LARP1: variants seen among roughly 807,000 people sequenced by gnomAD.
The protein encoded by LARP1 is La ribonucleoprotein 1, translational regulator, also known as la-related protein 1.
A neutral mutation model predicts 122.7 loss-of-function variants in LARP1; 36 were observed. The ratio of observed to expected loss-of-function variants is 0.29; its 90% confidence interval spans 0.22 to 0.39. The LOEUF is 0.39. LARP1 is among the 10% of genes least tolerant of loss of function. The pLI is 1.00. For missense variants in LARP1, 1,040 were observed against 1,403.6 expected (o/e 0.74, Z 4.14); for synonymous variants, 539 against 528.7 (o/e 1.02, Z -0.27).
intron 3 of LARP1, 45 bp downstream of exon 3, chr5:154,790,755 T>G (rs767472871): frequency 1.3e-6 from 2 of 1,523,550 alleles, no homozygotes; most frequent in South Asian, 2.2e-5. Context: ...TCTCTTGACA[T>G]ACACACATTT....
intron 1 of LARP1, among the ~76,000 whole-genome samples, chr5:154,764,241 C>A (rs1031072330): frequency 2.7e-5 from 4 of 148,696 alleles, no homozygotes; most frequent in African/African-American, 1.0e-4. Flanking sequence ...ACCTGGGAGG[C>A]AGAGGTTGCA....
At chr5:154,735,549 A>T (rs981529895) in intron 1 of LARP1, among the ~76,000 whole-genome samples, 11 of 146,708 alleles carry the variant, frequency 7.5e-5, no homozygotes, top group African/African-American at 2.5e-4. Flanking sequence ...TTTTATTTTT[A>T]TTTATTTATT....
chr5:154,688,738 AT>A, intron 1 of LARP1, among the ~76,000 whole-genome samples: 1 of 150,664 alleles, frequency 6.6e-6, no homozygotes. Context: ...AGGTAGGAGG[AT>A]CTCTTGAGTC....
intron 8 of LARP1, among the ~76,000 whole-genome samples, chr5:154,797,093 G>A (rs1294356016): frequency 6.6e-6 from 1 of 151,910 alleles, no homozygotes; most frequent in African/African-American, 2.4e-5. Flanking sequence ...TTGGGAAATG[G>A]TATTTAGATA....
intron 1 of LARP1, among the ~76,000 whole-genome samples, chr5:154,724,945 C>G (rs1756105632): frequency 6.6e-6 from 1 of 152,162 alleles, no homozygotes; most frequent in South Asian, 2.1e-4. Context: ...GGATTACAGG[C>G]ATGAGCCATC....
At chr5:154,738,464 T>C (rs996987364) in intron 1 of LARP1, among the ~76,000 whole-genome samples, 1 of 152,160 alleles carries the variant, frequency 6.6e-6, no homozygotes, top group Non-Finnish European at 1.5e-5. Flanking sequence ...TGGCAGCACA[T>C]GCCTGTAATC....
At position 154,803,144 on chromosome 5, in the gene LARP1, G is replaced by A. The variant is rs1758477829; in HGVS notation, c.2110-146G>A. ...TAACTGGGGTGAGGAATGGTGACTG[G>A]GCAGCTGAGAGCCTGGGGACCAGAA... On this transcript the variant is annotated intron_variant, in intron 11 of 18. Transcript: ENST00000518297. The surrounding 1 kb of genome is among the most constrained non-coding windows in gnomAD (Gnocchi z 4.4). The A allele has an allele frequency of 9.6e-7, 1 of 1,036,706 alleles. No individual in the cohort carries two copies. The highest frequency in any genetic ancestry group is 2.0e-5 in the Admixed American group (1 of 49,734). 64.2% of individuals were successfully genotyped at this position (1,036,706 alleles called of 1,614,324 possible).
intron 1 of LARP1, among the ~76,000 whole-genome samples, chr5:154,769,914 C>T (rs917746412): frequency 6.6e-6 from 1 of 152,012 alleles, no homozygotes; most frequent in African/African-American, 2.4e-5. Context: ...ATAACAAGTA[C>T]CAGGTGGTAA....
At chr5:154,811,673 C>G in intron 18 of LARP1, 33 bp downstream of exon 18, 1 of 1,612,760 alleles carries the variant, frequency 6.2e-7, no homozygotes, top group Non-Finnish European at 8.5e-7. Flanking sequence ...CTCTGCTTGT[C>G]CTGGAAAGAA....
At chr5:154,767,809 G>C (rs1345095559) in intron 1 of LARP1, among the ~76,000 whole-genome samples, 2 of 152,140 alleles carry the variant, frequency 1.3e-5, no homozygotes. Context: ...GAATAGCCTA[G>C]TTTTGGAGCC....
At chr5:154,812,137 G>A (rs1040825574) in intron 18 of LARP1, among the ~76,000 whole-genome samples, 1 of 152,184 alleles carries the variant, frequency 6.6e-6, no homozygotes, top group Admixed American at 6.5e-5. Context: ...AGCAGATACT[G>A]ATTGGATGTC....
chr5:154,752,542 C>T (rs1201971347), upstream of LARP1, among the ~76,000 whole-genome samples: 2 of 152,146 alleles, frequency 1.3e-5, no homozygotes, highest in Non-Finnish European at 2.9e-5. Context: ...TGTGCCCGGC[C>T]TTGGACTTCA....
At chr5:154,756,277 C>T in intron 1 of LARP1, 84 bp downstream of exon 1, 1 of 1,030,042 alleles carries the variant, frequency 9.7e-7, no homozygotes, top group South Asian at 2.2e-5. Context: ...TCCAGGGCCC[C>T]GGGGTCTGCT....
At chr5:154,804,809 A>G in intron 14 of LARP1, 1 of 456,290 alleles carries the variant, frequency 2.2e-6, no homozygotes, top group Non-Finnish European at 4.4e-6. Flanking sequence ...TGTTTCCCAA[A>G]GCAAGCTTTG....
intron 8 of LARP1, among the ~76,000 whole-genome samples, chr5:154,796,121 T>TTATATATATTTTATATATTTATATATTA (rs1419481421): frequency 0.044 from 4,569 of 104,096 alleles, 341 homozygotes; most frequent in African/African-American, 0.14. Context: ...AGTATATATA[T>TTATATATATTTTATATATTTATATATTA]TATATATATT....
At chr5:154,687,450 C>T (rs376135308) in intron 1 of LARP1, among the ~76,000 whole-genome samples, 2 of 152,166 alleles carry the variant, frequency 1.3e-5, no homozygotes, top group African/African-American at 4.8e-5. Flanking sequence ...GGCGTGATCT[C>T]GGCTCACTGC....
intron 1 of LARP1, among the ~76,000 whole-genome samples, chr5:154,786,049 C>G (rs914830700): frequency 6.7e-6 from 1 of 149,498 alleles, no homozygotes; most frequent in African/African-American, 2.4e-5. Flanking sequence ...GTATGCTTCA[C>G]TTTTTTTTTT....
chr5:154,787,680 C>G (rs1268557531), intron 1 of LARP1, among the ~76,000 whole-genome samples: 1 of 152,136 alleles, frequency 6.6e-6, no homozygotes, highest in Non-Finnish European at 1.5e-5. Flanking sequence ...TTGTCAGGGG[C>G]AACCTGAAGC....
intron 1 of LARP1, among the ~76,000 whole-genome samples, chr5:154,731,182 G>T (rs1490512728): frequency 6.6e-6 from 1 of 151,830 alleles, no homozygotes; most frequent in Non-Finnish European, 1.5e-5. Context: ...TCATAACCGT[G>T]TGAAAGGAGA....
Sources: allele counts gnomAD v4.1 joint callset (sites outside exome capture counted in the v4.1 genomes callset), GRCh38; gene constraint gnomAD v4.1.1; non-coding constraint Gnocchi (gnomAD v3.1); transcripts MANE v1.5; gene names NCBI Gene and HGNC (gene_info 2026-07-23, HGNC 2026-07-21).